MAML3: variants seen among roughly 807,000 people sequenced by gnomAD.
MAML3 encodes the protein mastermind like transcriptional coactivator 3, also known as mastermind-like protein 3.
In MAML3, 27 loss-of-function variants were observed where a neutral mutation model predicts 101.9. That is an observed-to-expected ratio of 0.27 (90% CI 0.20 to 0.37). The LOEUF (loss-of-function observed/expected upper bound fraction) is 0.37. MAML3 is among the 10% of genes least tolerant of loss of function. The probability of loss-of-function intolerance (pLI) is 1.00; values close to 1 mark genes in which losing one functional copy is unlikely to be tolerated. For synonymous variants in MAML3, 501 were observed against 555.9 expected (o/e 0.90, Z 1.39); for missense variants, 1,316 against 1,444.9 (o/e 0.91, Z 1.45).
chr4:139,764,416 G>A (rs952811700), intron 2 of MAML3, among the ~76,000 whole-genome samples: 18 of 152,194 alleles, frequency 1.2e-4, no homozygotes, highest in Non-Finnish European at 2.1e-4. Flanking sequence ...GCATGTTGCC[G>A]GGCAGAGGAG....
chr4:139,904,527 G>A (rs1732784735), intron 1 of MAML3, among the ~76,000 whole-genome samples: 1 of 152,224 alleles, frequency 6.6e-6, no homozygotes, highest in South Asian at 2.1e-4. Context: ...CGACCACGCT[G>A]TGGGAGCACA....
chr4:140,000,197 C>A (rs1290371831), intron 1 of MAML3, among the ~76,000 whole-genome samples: 1 of 152,190 alleles, frequency 6.6e-6, no homozygotes, highest in Non-Finnish European at 1.5e-5. Flanking sequence ...AAAACTGTCA[C>A]AGTCATCTTC....
intron 1 of MAML3, among the ~76,000 whole-genome samples, chr4:140,147,540 A>T (rs78359351): frequency 6.6e-6 from 1 of 152,378 alleles, no homozygotes; most frequent in Non-Finnish European, 1.5e-5. Flanking sequence ...CAAAGCAAGC[A>T]GCCAGGGGAT....
intron 4 of MAML3, among the ~76,000 whole-genome samples, chr4:139,722,838 G>C (rs1728291671): frequency 6.6e-6 from 1 of 152,102 alleles, no homozygotes; most frequent in Non-Finnish European, 1.5e-5. Flanking sequence ...TATTTTCCCA[G>C]ATGCATAACA....
At chr4:139,819,599 A>G (rs1730943159) in intron 2 of MAML3, among the ~76,000 whole-genome samples, 1 of 152,110 alleles carries the variant, frequency 6.6e-6, no homozygotes, top group African/African-American at 2.4e-5. Flanking sequence ...TTTTTTTCCA[A>G]TTGGACTATA....
At chr4:139,858,921 G>A (rs1330733309) in intron 2 of MAML3, among the ~76,000 whole-genome samples, 1 of 152,092 alleles carries the variant, frequency 6.6e-6, no homozygotes, top group Non-Finnish European at 1.5e-5. Flanking sequence ...TACAATGAAG[G>A]GTTTCAAGAT....
At position 139,735,472 on chromosome 4, in the gene MAML3, G is replaced by C. The variant is rs554541125; in HGVS notation, c.2080-4805C>G. Among the ~76,000 whole-genome samples the C allele has an allele frequency of 1.5e-3, 235 of 151,896 alleles. No homozygotes were observed. The highest frequency in any genetic ancestry group is 4.8e-3 in the African/African-American group (197 of 41,462). ...GTAGGGGGGCAGTGGCGACCTCCGGGGGGGGAGGGTGGCGGACACCAGACC... is the reference window on the plus strand; with the variant it reads ...GTAGGGGGGCAGTGGCGACCTCCGGCGGGGGAGGGTGGCGGACACCAGACC... On this transcript the variant is annotated intron_variant, in intron 2 of 4. Coordinates refer to ENST00000509479, the MANE Select transcript of MAML3 (RefSeq NM_018717.5). The surrounding 1 kb of genome is among the most constrained non-coding windows in gnomAD (Gnocchi z 5.8).
At chr4:140,122,073 G>C (rs760633495) in intron 1 of MAML3, among the ~76,000 whole-genome samples, 3 of 152,078 alleles carry the variant, frequency 2.0e-5, no homozygotes, top group Non-Finnish European at 4.4e-5. Flanking sequence ...CAGCCATTTG[G>C]AACTGCGAGT....
At chr4:139,940,699 T>C (rs1398233242) in intron 1 of MAML3, among the ~76,000 whole-genome samples, 2 of 152,206 alleles carry the variant, frequency 1.3e-5, no homozygotes, top group Admixed American at 6.5e-5. Context: ...ACTTGGCTTC[T>C]CCATAGCACA....
At chr4:139,989,902 A>AG (rs1734632751) in intron 1 of MAML3, among the ~76,000 whole-genome samples, 1 of 130,048 alleles carries the variant, frequency 7.7e-6, no homozygotes, top group African/African-American at 2.8e-5. Flanking sequence ...GAGAGAGAGA[A>AG]AGAGAGAGAG....
At chr4:139,752,505 C>A (rs116595585) in intron 2 of MAML3, among the ~76,000 whole-genome samples, 9,306 of 152,150 alleles carry the variant, frequency 0.061, 472 homozygotes, top group Admixed American at 0.14. Context: ...CACTCCCCAC[C>A]GTCTTCTTTG....
intron 1 of MAML3, among the ~76,000 whole-genome samples, chr4:140,008,581 C>T (rs1030122384): frequency 7.0e-6 from 1 of 143,830 alleles, no homozygotes; most frequent in Non-Finnish European, 1.6e-5. Context: ...AAGCAAATGA[C>T]AGGTCTTACT....
rs1284498829 is a variant in MAML3, at chr4:139,719,464, C to A, written c.3276G>T (p.Val1092=). 1 of 1,614,022 alleles carries A rather than the reference C, an allele frequency of 6.2e-7. No homozygotes were observed. The highest frequency in any genetic ancestry group is 8.5e-7 in the Non-Finnish European group (1 of 1,179,904). ...CTCCGTCGCCACTGTAATTGTATGA[C>A]ACGTCCTGAGGGGCATTCCGCTCAT... ...QAYERNAPQD[V]SYNYSGDGAG... is the part of the protein sequence containing the mutation. Residue 1092 remains valine, a synonymous_variant, in exon 5 of 5, where the codon GTG becomes GTT. Coordinates refer to ENST00000509479, the MANE Select transcript of MAML3 (RefSeq NM_018717.5).
At chr4:139,810,151 C>G (rs899229662) in intron 2 of MAML3, among the ~76,000 whole-genome samples, 6 of 150,836 alleles carry the variant, frequency 4.0e-5, no homozygotes, top group Middle Eastern at 3.4e-3. Flanking sequence ...AATGCTTTGC[C>G]AAGAGGTATC....
intron 1 of MAML3, among the ~76,000 whole-genome samples, chr4:139,989,882 C>CACACACACACACACACACAG (rs1385720650): frequency 1.3e-4 from 8 of 63,068 alleles, no homozygotes; most frequent in African/African-American, 4.7e-4. Flanking sequence ...CACACACACA[C>CACACACACACACACACACAG]AGAGAGAGAG....
At chr4:139,752,612 C>G (rs1460905419) in intron 2 of MAML3, among the ~76,000 whole-genome samples, 2 of 152,118 alleles carry the variant, frequency 1.3e-5, no homozygotes, top group Non-Finnish European at 2.9e-5. Flanking sequence ...AGGCTTGGCA[C>G]AAATACATTC....
At chr4:139,888,506 T>C (rs1732384985) in intron 2 of MAML3, 1 of 518,152 alleles carries the variant, frequency 1.9e-6, no homozygotes, top group Admixed American at 1.9e-5. Flanking sequence ...GTAGAACAAA[T>C]GTTATATTAA....
At chr4:140,145,704 TATA>T (rs1729047495) in intron 1 of MAML3, among the ~76,000 whole-genome samples, 1 of 151,834 alleles carries the variant, frequency 6.6e-6, no homozygotes, top group African/African-American at 2.4e-5. Context: ...TAGCTGGGAT[TATA>T]GACATGCGCC....
intron 1 of MAML3, among the ~76,000 whole-genome samples, chr4:140,077,337 C>A (rs1006275650): frequency 6.6e-6 from 1 of 152,162 alleles, no homozygotes; most frequent in African/African-American, 2.4e-5. Context: ...TCAGTACTGC[C>A]ATAAAAGGAA....
Sources: allele counts gnomAD v4.1 joint callset (sites outside exome capture counted in the v4.1 genomes callset), GRCh38; gene constraint gnomAD v4.1.1; non-coding constraint Gnocchi (gnomAD v3.1); transcripts MANE v1.5; gene names NCBI Gene and HGNC (gene_info 2026-07-23, HGNC 2026-07-21).